The following HOXC5 variants were observed in gnomAD, a reference collection of about 807,000 sequenced individuals.
HOXC5 encodes the protein homeobox C5.
Under a neutral mutation model 20.1 loss-of-function variants are expected in HOXC5, and 19 were observed. The observed-to-expected ratio is 0.94, with a 90% CI of 0.66 to 1.38. HOXC5 has a LOEUF of 1.38. Among genes scored for constraint, HOXC5 ranks in the 40% most tolerant of loss-of-function variants. The pLI, the probability that HOXC5 is intolerant of heterozygous loss-of-function variation, is 0.00. For synonymous variants in HOXC5, 124 were observed against 117.0 expected, an observed-to-expected ratio of 1.06 and a Z score of -0.39; for missense variants, 330 against 300.1, an observed-to-expected ratio of 1.10 and a Z score of -0.74.
rs2136449982 is a variant in HOXC5, at chr12:54,034,445, A to G, written c.622A>G (p.Met208Val). 3.1e-6 allele frequency: 5 copies of G among 1,614,256 alleles called. No homozygotes were observed. The East Asian group carries it at 8.9e-5, about 29-fold the overall frequency. ...QIKIWFQNRR[M>V]KWKKDSKMKS... The stretch of plus-strand genomic sequence containing the variant: ...CAAGATCTGGTTCCAGAACCGCAGG[A>G]TGAAGTGGAAGAAAGATTCCAAAAT... The change falls in exon 2 of 2, where the codon ATG becomes GTG. Residue 208 changes from methionine to valine, a missense_variant. Coordinates refer to ENST00000312492, the MANE Select transcript of HOXC5 (RefSeq NM_018953.4).
upstream of HOXC5, chr12:54,028,848 C>G: frequency 6.2e-7 from 1 of 1,614,122 alleles, no homozygotes. Flanking sequence ...CTGAGCAGGG[C>G]AGGACTGCGC....
At chr12:54,033,011 T>A (rs1426519726), upstream of HOXC5, 2 of 789,144 alleles carry the variant, frequency 2.5e-6, no homozygotes, top group Admixed American at 2.7e-5. Context: ...GAAAGAGATA[T>A]CTCCACCTAT....
the HOXC5 span, chr12:54,020,215 T>C: frequency 1.3e-5 from 2 of 152,216 alleles, no homozygotes; most frequent in South Asian, 2.1e-4. Context: ...TGGCTGAGAA[T>C]AGAATCTGGC....
chr12:54,019,171 T>G, the HOXC5 span, among the ~76,000 whole-genome samples: 1 of 79,254 alleles, frequency 1.3e-5, no homozygotes, highest in Admixed American at 1.4e-4. Flanking sequence ...TCTCTCCCCC[T>G]CCCCCACCCC....
chr12:54,034,044 C>G (rs927750242), intron 1 of HOXC5: 5 of 699,438 alleles, frequency 7.1e-6, no homozygotes, highest in South Asian at 1.5e-5. Flanking sequence ...CCCCAACCCC[C>G]CCTCAGCCCC....
rs755580730 is a variant in HOXC5 at position 54,033,483 on chromosome 12, G to A, written c.361G>A (p.Glu121Lys). 211 of 1,594,758 alleles carry A rather than the reference G, an allele frequency of 1.3e-4. No individual in the cohort carries two copies. Among genetic ancestry groups the A allele is most frequent in the Non-Finnish European group, 1.7e-4 (201 of 1,173,514 alleles). ...RAKSSGEIKE[E>K]QAQTGQPAGL... The stretch of plus-strand genomic sequence containing the variant: ...TAAGAGCAGTGGGGAGATCAAAGAG[G>A]AGCAGGCGCAGACAGGGCAGCCCGC... The change falls in exon 1 of 2, where the codon GAG becomes AAG. Residue 121 changes from glutamate (E) to lysine (K), a missense_variant. Transcript: ENST00000312492.
At chr12:54,029,036 T>C (rs1192120212), upstream of HOXC5, 1 of 1,022,884 alleles carries the variant, frequency 9.8e-7, no homozygotes, top group East Asian at 2.5e-5. Context: ...ACAATCACGC[T>C]CGTCTCCTCA....
rs1178003525 is a variant in HOXC5, at chr12:54,034,388, G to T, written c.565G>T (p.Ala189Ser). 1.9e-6 allele frequency: 3 copies of T among 1,614,206 alleles called. No individual in the cohort carries two copies. Among genetic ancestry groups the T allele is most frequent in the South Asian group, 1.1e-5 (1 of 91,090 alleles). ...CACTCGCCGCAGGCGCATAGAGATC[G>T]CCAACAACTTGTGTCTCAATGAGAG... ...YLTRRRRIEI[A>S]NNLCLNERQI... Residue 189 changes from alanine to serine, a missense_variant, in exon 2 of 2, where the codon GCC (alanine) becomes TCC (serine). Ala to Ser is a moderately conservative substitution (Grantham distance 99, BLOSUM62 1). Transcript: ENST00000312492.
At chr12:54,029,644 C>G (rs776432961), upstream of HOXC5, 4 of 1,608,114 alleles carry the variant, frequency 2.5e-6, no homozygotes, top group Non-Finnish European at 3.4e-6. Context: ...GTTTTGTGCC[C>G]GGATCTTTAG....
chr12:54,024,767 C>A, the HOXC5 span, among the ~76,000 whole-genome samples: 1 of 150,852 alleles, frequency 6.6e-6, no homozygotes, highest in Non-Finnish European at 1.5e-5. Flanking sequence ...CTAGGGAAAT[C>A]CCCAAGTGCC....
Position 54,034,389 on chromosome 12 carries a change from C to T in HOXC5, c.566C>T (p.Ala189Val). The change falls in exon 2 of 2, where the codon GCC becomes GTC. Residue 189 changes from alanine (A) to valine (V), a missense_variant. Coordinates refer to ENST00000312492, the MANE Select transcript of HOXC5 (RefSeq NM_018953.4). ...YLTRRRRIEI[A>V]NNLCLNERQI... is the part of the protein sequence containing the mutation. ...ACTCGCCGCAGGCGCATAGAGATCG[C>T]CAACAACTTGTGTCTCAATGAGAGA... 6.2e-7 allele frequency: 1 copy of T among 1,614,220 alleles called. No individual in the cohort carries two copies. Among genetic ancestry groups the T allele is most frequent in the South Asian group, 1.1e-5 (1 of 91,084 alleles).
chr12:54,020,355 G>T, the HOXC5 span: 1 of 152,212 alleles, frequency 6.6e-6, no homozygotes, highest in Non-Finnish European at 1.5e-5. Context: ...CCTTATAAGG[G>T]GCTTTGTCAG....
chr12:54,032,430 A>G (rs1338191733), upstream of HOXC5, among the ~76,000 whole-genome samples: 1 of 152,204 alleles, frequency 6.6e-6, no homozygotes, highest in African/African-American at 2.4e-5. Context: ...AGGGACTTCT[A>G]CCTTTGGTTT....
chr12:54,032,360 A>T (rs1164547918), upstream of HOXC5, among the ~76,000 whole-genome samples: 1 of 152,116 alleles, frequency 6.6e-6, no homozygotes, highest in African/African-American at 2.4e-5. Context: ...AGCTAATTCT[A>T]CTTTCTCTTG....
chr12:54,030,742 T>C (rs1282631558), upstream of HOXC5: 1 of 152,622 alleles, frequency 6.6e-6, no homozygotes, highest in Non-Finnish European at 1.5e-5. Context: ...ATAAATCCCT[T>C]CGTGTTACCC....
At chr12:54,027,692 C>A in the HOXC5 span, among the ~76,000 whole-genome samples, 49,629 of 151,820 alleles carry the variant, frequency 0.33, 8,419 homozygotes, top group East Asian at 0.45. Context: ...GTTTTCCCAA[C>A]AGAGGGGTCC....
upstream of HOXC5, among the ~76,000 whole-genome samples, chr12:54,029,432 C>T (rs1467043172): frequency 6.9e-6 from 1 of 144,466 alleles, no homozygotes; most frequent in Non-Finnish European, 1.5e-5. Flanking sequence ...CACCACACAC[C>T]TTTCTTTGGG....
At chr12:54,021,984 T>C in the HOXC5 span, 1 of 152,232 alleles carries the variant, frequency 6.6e-6, no homozygotes, top group Non-Finnish European at 1.5e-5. Flanking sequence ...GAAATAGTCT[T>C]AAAACAGGGC....
chr12:54,023,189 C>A, the HOXC5 span, among the ~76,000 whole-genome samples: 3 of 152,130 alleles, frequency 2.0e-5, no homozygotes, highest in African/African-American at 7.2e-5. Context: ...TGGGCACCAG[C>A]CCCCAAAAAG....
Sources: allele counts gnomAD v4.1 joint callset (sites outside exome capture counted in the v4.1 genomes callset), GRCh38; gene constraint gnomAD v4.1.1; transcripts MANE v1.5; gene names NCBI Gene and HGNC (gene_info 2026-07-23, HGNC 2026-07-21).